The following PRDM5 variants were observed in gnomAD, a reference collection of about 807,000 sequenced individuals.
PRDM5 encodes the protein PR domain zinc finger protein 5.
PRDM5 carries 56 observed loss-of-function variants against 81.2 expected under a neutral mutation model. That is an observed-to-expected ratio of 0.69 (90% confidence interval 0.56 to 0.86). The LOEUF (loss-of-function observed/expected upper bound fraction) is 0.86. PRDM5 is among the 40% of genes least tolerant of loss of function. The pLI is 0.00. For missense variants in PRDM5, 697 were observed against 770.1 expected, an observed-to-expected ratio of 0.91 and a Z score of 1.12; for synonymous variants, 267 against 256.4, an observed-to-expected ratio of 1.04 and a Z score of -0.39.
intron 3 of PRDM5, among the ~76,000 whole-genome samples, chr4:120,836,226 G>T (rs1480896982): frequency 6.6e-6 from 1 of 152,178 alleles, no homozygotes; most frequent in Non-Finnish European, 1.5e-5. Context: ...TAGGAAAAAA[G>T]AATGAGAAAG....
chr4:120,742,311 A>C (rs930999756), intron 14 of PRDM5, among the ~76,000 whole-genome samples: 1 of 152,234 alleles, frequency 6.6e-6, no homozygotes, highest in African/African-American at 2.4e-5. Context: ...AAGGTAGATA[A>C]AACCACAAAG....
intron 8 of PRDM5, among the ~76,000 whole-genome samples, chr4:120,800,143 A>G (rs1387489368): frequency 2.6e-5 from 4 of 152,210 alleles, no homozygotes. Flanking sequence ...ACTTAAATGT[A>G]CATAGTAGAG....
At chr4:120,881,377 TTGGCAA>T in intron 2 of PRDM5, among the ~76,000 whole-genome samples, 1 of 152,326 alleles carries the variant, frequency 6.6e-6, no homozygotes, top group East Asian at 1.9e-4. Flanking sequence ...GTTCCACAAA[TTGGCAA>T]TAAGTAAAAT....
At chr4:120,751,818 T>C (rs1171505929) in intron 14 of PRDM5, among the ~76,000 whole-genome samples, 1 of 152,180 alleles carries the variant, frequency 6.6e-6, no homozygotes, top group African/African-American at 2.4e-5. Context: ...GCAGTCACCA[T>C]AGAATGTAAA....
At position 120,694,667 on chromosome 4, in the gene PRDM5, TTAAATTGGTAAAACCAGC is replaced by T. The variant is rs1734324715; in HGVS notation, c.*426_*443del. ...GTTGGATATCTTGATTTATTTCTAT[TTAAATTGGTAAAACCAGC>T]TGCAACAACTGGCATTTGCAAGTGA... On this transcript the variant is annotated 3_prime_UTR_variant, in exon 16 of 16. Transcript: ENST00000264808. 6.2e-6 allele frequency: 1 copy of T among 161,158 alleles called. No homozygotes were observed. Among genetic ancestry groups the T allele is most frequent in the Admixed American group, 5.8e-5 (1 of 17,100 alleles). The allele number at this position is 161,158 out of a possible 1,614,324, so 10.0% of individuals were successfully genotyped here.
rs148605659 is a variant in PRDM5 at position 120,822,028 on chromosome 4, G to A, written c.301-683C>T. Among the ~76,000 whole-genome samples the A allele has an allele frequency of 5.5e-4, 84 of 151,634 alleles. 1 individual carries two copies. The highest frequency in any genetic ancestry group is 1.5e-3 in the African/African-American group (62 of 41,392). ...TGGAAAACAGAAATCAGACATAGTC[G>A]AAATAATAGATAACTAATGCAGAGG... is the stretch of plus-strand genomic sequence containing the variant. On this transcript the variant is annotated intron_variant, in intron 3 of 15. Coordinates refer to ENST00000264808, the MANE Select transcript of PRDM5 (RefSeq NM_018699.4).
downstream of PRDM5, among the ~76,000 whole-genome samples, chr4:120,690,539 T>G (rs1734001752): frequency 6.6e-6 from 1 of 152,000 alleles, no homozygotes; most frequent in African/African-American, 2.4e-5. Flanking sequence ...AGAAAAGTTT[T>G]CAGTAGAAAA....
At chr4:120,873,074 T>C (rs1020473440) in intron 2 of PRDM5, among the ~76,000 whole-genome samples, 2 of 152,192 alleles carry the variant, frequency 1.3e-5, no homozygotes, top group Admixed American at 6.5e-5. Flanking sequence ...CAATCTCTGC[T>C]CACTGCAACC....
At chr4:120,796,590 A>T (rs1244810711) in intron 10 of PRDM5, among the ~76,000 whole-genome samples, 2 of 152,218 alleles carry the variant, frequency 1.3e-5, no homozygotes, top group South Asian at 2.1e-4. Context: ...CAGTCACGTA[A>T]TTCCAAAGCA....
intron 1 of PRDM5, among the ~76,000 whole-genome samples, chr4:120,921,927 C>T (rs941765533): frequency 4.6e-5 from 7 of 152,142 alleles, no homozygotes; most frequent in African/African-American, 1.7e-4. Context: ...TTGGCACCTC[C>T]CTGAAGGCAC....
chr4:120,813,817 C>T (rs1422877954), intron 7 of PRDM5, among the ~76,000 whole-genome samples: 1 of 152,142 alleles, frequency 6.6e-6, no homozygotes, highest in Non-Finnish European at 1.5e-5. Context: ...TGTCCTAGCC[C>T]TCATAGCAAC....
chr4:120,829,099 A>G (rs1268251971), intron 3 of PRDM5, among the ~76,000 whole-genome samples: 2 of 152,100 alleles, frequency 1.3e-5, no homozygotes, highest in Non-Finnish European at 2.9e-5. Flanking sequence ...AAAGCATGGT[A>G]TGGAATTAAG....
At chr4:120,907,668 A>AGAGAT in intron 1 of PRDM5, 111 bp from the exon 2 acceptor site, 2 of 845,360 alleles carry the variant, frequency 2.4e-6, no homozygotes, top group Non-Finnish European at 4.1e-6. Flanking sequence ...TGCCCAAAGA[A>AGAGAT]GAGATGCTTT....
chr4:120,863,205 C>T (rs1257541487), intron 2 of PRDM5, among the ~76,000 whole-genome samples: 4 of 138,196 alleles, frequency 2.9e-5, no homozygotes, highest in African/African-American at 5.6e-5. Context: ...CACACACACA[C>T]ACACACACAC....
chr4:120,796,418 A>T (rs1751359432), intron 10 of PRDM5, among the ~76,000 whole-genome samples: 1 of 152,192 alleles, frequency 6.6e-6, no homozygotes, highest in African/African-American at 2.4e-5. Flanking sequence ...TTTATGGCTT[A>T]AAGTATGAGA....
chr4:120,906,127 A>G (rs2148674877), intron 2 of PRDM5, among the ~76,000 whole-genome samples: 1 of 152,134 alleles, frequency 6.6e-6, no homozygotes, highest in South Asian at 2.1e-4. Context: ...ACGTACCACA[A>G]GGCCCAGATA....
chr4:120,722,864 G>A (rs1277278974), intron 14 of PRDM5, among the ~76,000 whole-genome samples: 1 of 152,182 alleles, frequency 6.6e-6, no homozygotes, highest in Non-Finnish European at 1.5e-5. Context: ...CATGTGCTGA[G>A]CACGCGAGGA....
intron 14 of PRDM5, among the ~76,000 whole-genome samples, chr4:120,729,735 T>C (rs1196019942): frequency 6.6e-6 from 1 of 152,216 alleles, no homozygotes; most frequent in Non-Finnish European, 1.5e-5. Flanking sequence ...AAATATCTCT[T>C]CCTGGTGGCT....
intron 15 of PRDM5, among the ~76,000 whole-genome samples, chr4:120,709,059 T>C (rs1300355020): frequency 6.6e-6 from 1 of 152,080 alleles, no homozygotes; most frequent in Non-Finnish European, 1.5e-5. Flanking sequence ...AACATCATAG[T>C]TTCAAAAAAC....
Sources: allele counts gnomAD v4.1 joint callset (sites outside exome capture counted in the v4.1 genomes callset), GRCh38; gene constraint gnomAD v4.1.1; transcripts MANE v1.5; gene names NCBI Gene and HGNC (gene_info 2026-07-23, HGNC 2026-07-21).